The following ST6GALNAC5 variants were observed in gnomAD, a reference collection of about 807,000 sequenced individuals.
ST6GALNAC5 encodes ST6 N-acetylgalactosaminide alpha-2,6-sialyltransferase 5.
A neutral mutation model predicts 33.6 loss-of-function variants in ST6GALNAC5; 27 were observed. The observed-to-expected ratio is 0.80, with a 90% confidence interval of 0.59 to 1.11. The LOEUF (loss-of-function observed/expected upper bound fraction) is 1.11, where lower values mean the gene tolerates loss of function less well. Ranked by LOEUF, ST6GALNAC5 falls within the 50% of genes least tolerant of loss-of-function variation. The pLI, the probability that ST6GALNAC5 is intolerant of heterozygous loss-of-function variation, is 0.00. For missense variants in ST6GALNAC5, 428 were observed against 454.0 expected (o/e 0.94, Z 0.52); for synonymous variants, 194 against 171.2 (o/e 1.13, Z -1.04).
chr1:76,948,315 G>C (rs919052878), intron 2 of ST6GALNAC5, among the ~76,000 whole-genome samples: 1 of 152,154 alleles, frequency 6.6e-6, no homozygotes. Context: ...CACTGTCTCT[G>C]CTGCGGGAGA....
At chr1:76,935,429 C>T (rs568897640) in intron 2 of ST6GALNAC5, among the ~76,000 whole-genome samples, 45 of 152,010 alleles carry the variant, frequency 3.0e-4, no homozygotes, top group African/African-American at 9.4e-4. Context: ...ATTTAGGCAC[C>T]GATAATCAGT....
At chr1:76,958,177 G>A (rs1034853525) in intron 2 of ST6GALNAC5, among the ~76,000 whole-genome samples, 7 of 152,120 alleles carry the variant, frequency 4.6e-5, no homozygotes, top group East Asian at 1.9e-4. Flanking sequence ...CTGGGGTGGC[G>A]GCAACCGCTT....
intron 4 of ST6GALNAC5, among the ~76,000 whole-genome samples, chr1:77,054,129 G>A (rs1652315072): frequency 6.6e-6 from 1 of 152,148 alleles, no homozygotes; most frequent in Non-Finnish European, 1.5e-5. Context: ...AATGAGACAG[G>A]GTCTCTGCCT....
At chr1:76,964,327 A>G (rs1648368033) in intron 2 of ST6GALNAC5, among the ~76,000 whole-genome samples, 1 of 152,148 alleles carries the variant, frequency 6.6e-6, no homozygotes, top group African/African-American at 2.4e-5. Flanking sequence ...ACAATTGTTC[A>G]GAGTTGTCCT....
At chr1:76,935,612 AAATTCCTTGGTT>A (rs1647193812) in intron 2 of ST6GALNAC5, among the ~76,000 whole-genome samples, 1 of 152,020 alleles carries the variant, frequency 6.6e-6, no homozygotes, top group Non-Finnish European at 1.5e-5. Flanking sequence ...GTTATGATTT[AAATTCCTTGGTT>A]AATTCCTTTT....
At chr1:77,055,683 CCT>C (rs34231369) in intron 4 of ST6GALNAC5, among the ~76,000 whole-genome samples, 10,828 of 152,226 alleles carry the variant, frequency 0.071, 531 homozygotes, top group Middle Eastern at 0.11. Flanking sequence ...TCCTTAGCCC[CCT>C]GTCTGAGTCA....
intron 2 of ST6GALNAC5, among the ~76,000 whole-genome samples, chr1:76,960,214 C>A (rs1415877644): frequency 1.3e-5 from 2 of 151,952 alleles, no homozygotes; most frequent in East Asian, 3.9e-4. Flanking sequence ...GGACAGAGTA[C>A]AAAAGAGAGA....
intron 2 of ST6GALNAC5, among the ~76,000 whole-genome samples, chr1:77,035,096 G>C (rs1449397302): frequency 6.6e-6 from 1 of 152,144 alleles, no homozygotes; most frequent in African/African-American, 2.4e-5. Flanking sequence ...CCCCATCATG[G>C]AGCATCTGAT....
chr1:77,032,490 A>G (rs1651494835), intron 2 of ST6GALNAC5, among the ~76,000 whole-genome samples: 1 of 152,178 alleles, frequency 6.6e-6, no homozygotes, highest in African/African-American at 2.4e-5. Flanking sequence ...CAGCAGGGTC[A>G]GTGAGTGGCT....
intron 2 of ST6GALNAC5, among the ~76,000 whole-genome samples, chr1:76,966,957 G>A (rs559089651): frequency 9.2e-5 from 14 of 152,286 alleles, no homozygotes; most frequent in Admixed American, 2.6e-4. Flanking sequence ...TGACTTGATC[G>A]TGGTGCATAA....
intron 2 of ST6GALNAC5, among the ~76,000 whole-genome samples, chr1:76,907,548 G>C (rs1646875806): frequency 6.6e-6 from 1 of 152,140 alleles, no homozygotes. Flanking sequence ...AGAAAGCCCT[G>C]CTCCACAGTT....
intron 2 of ST6GALNAC5, among the ~76,000 whole-genome samples, chr1:76,958,895 C>T (rs555762743): frequency 3.5e-4 from 53 of 152,240 alleles, no homozygotes; most frequent in African/African-American, 2.4e-5. Context: ...AGCTCTGATC[C>T]ACCAGGTCAT....
chr1:76,954,028 G>A (rs1647853311), intron 2 of ST6GALNAC5, among the ~76,000 whole-genome samples: 1 of 152,132 alleles, frequency 6.6e-6, no homozygotes, highest in Non-Finnish European at 1.5e-5. Flanking sequence ...AGCCAGCACA[G>A]GGTGGCTCCA....
intron 2 of ST6GALNAC5, among the ~76,000 whole-genome samples, chr1:77,041,610 C>T (rs1260601191): frequency 6.6e-6 from 1 of 152,132 alleles, no homozygotes; most frequent in Admixed American, 6.5e-5. Flanking sequence ...CTGAAATTGC[C>T]TCTCATCCCA....
intron 2 of ST6GALNAC5, among the ~76,000 whole-genome samples, chr1:76,915,648 A>T (rs1206883039): frequency 2.0e-5 from 3 of 146,746 alleles, no homozygotes; most frequent in Admixed American, 6.8e-5. Flanking sequence ...AACAATGAGA[A>T]CACATGGACA....
At chr1:76,891,758 T>A (rs1222587274) in intron 2 of ST6GALNAC5, among the ~76,000 whole-genome samples, 1 of 152,208 alleles carries the variant, frequency 6.6e-6, no homozygotes, top group Non-Finnish European at 1.5e-5. Flanking sequence ...ATTGTATACA[T>A]GATGTGACAG....
chr1:76,969,176 G>A (rs1648629012), intron 2 of ST6GALNAC5, among the ~76,000 whole-genome samples: 1 of 152,150 alleles, frequency 6.6e-6, no homozygotes. Context: ...GTTGGACAGG[G>A]GGTGTAGCCC....
rs1653404962 is a variant in ST6GALNAC5, at chr1:76,868,467, TCTC to T, written c.16-26_16-24del. On this transcript the variant is annotated intron_variant, in intron 1 of 4. Transcript: ENST00000477717. This position sits in a 1 kb window ranked among gnomAD's most constrained non-coding sequence, Gnocchi z 4.3. ...TCCTCCGGTGTCTGCGCTCAGCCGC[TCTC>T]CTCTTCTCTCTCCCGCCCGCCCGCA... 1.3e-6 allele frequency: 2 copies of T among 1,583,724 alleles called. No individual in the cohort carries two copies. The highest frequency in any genetic ancestry group is 1.4e-5 in the African/African-American group (1 of 73,818).
chr1:77,002,586 G>T (rs1264898627), intron 2 of ST6GALNAC5, among the ~76,000 whole-genome samples: 3 of 149,938 alleles, frequency 2.0e-5, no homozygotes, highest in Admixed American at 2.0e-4. Flanking sequence ...TGATGTTAGG[G>T]TGTCAATTTT....
Sources: allele counts gnomAD v4.1 joint callset (sites outside exome capture counted in the v4.1 genomes callset), GRCh38; gene constraint gnomAD v4.1.1; non-coding constraint Gnocchi (gnomAD v3.1); transcripts MANE v1.5; gene names NCBI Gene and HGNC (gene_info 2026-07-23, HGNC 2026-07-21).